AGBL4: variants seen among roughly 807,000 people sequenced by gnomAD.
The protein encoded by AGBL4 is cytosolic carboxypeptidase 6.
A neutral mutation model predicts 66.4 loss-of-function variants in AGBL4; 58 were observed. That is an observed-to-expected ratio of 0.87 (90% CI 0.71 to 1.09). The LOEUF is 1.09. Among genes scored for constraint, AGBL4 ranks in the 50% least tolerant of loss-of-function variants. The pLI, the probability that AGBL4 is intolerant of heterozygous loss-of-function variation, is 0.00. For synonymous variants in AGBL4, 234 were observed against 222.9 expected (o/e 1.05, Z -0.44); for missense variants, 579 against 631.0 (o/e 0.92, Z 0.88).
intron 4 of AGBL4, among the ~76,000 whole-genome samples, chr1:49,148,216 ACT>A (rs1048775650): frequency 2.0e-5 from 3 of 152,170 alleles, no homozygotes; most frequent in African/African-American, 7.2e-5. Flanking sequence ...ACTTTATTAC[ACT>A]GATTAGTGTC....
the AGBL4 span, among the ~76,000 whole-genome samples, chr1:48,525,060 G>A: frequency 5.9e-5 from 9 of 152,088 alleles, no homozygotes; most frequent in South Asian, 2.1e-4. Flanking sequence ...TCTCATTTTC[G>A]CCACCAGCAG....
intron 3 of AGBL4, among the ~76,000 whole-genome samples, chr1:49,305,376 A>G (rs1644830690): frequency 6.6e-6 from 1 of 152,060 alleles, no homozygotes; most frequent in African/African-American, 2.4e-5. Context: ...ATGCAAACTC[A>G]AAGCCTCACA....
intron 3 of AGBL4, among the ~76,000 whole-genome samples, chr1:49,496,705 C>T (rs1341946936): frequency 1.4e-5 from 2 of 146,004 alleles, no homozygotes; most frequent in Non-Finnish European, 3.0e-5. Context: ...GACAGGATTT[C>T]CTTTTTTAAG....
intron 4 of AGBL4, among the ~76,000 whole-genome samples, chr1:49,154,607 C>T (rs1172002353): frequency 6.6e-6 from 1 of 152,088 alleles, no homozygotes; most frequent in Non-Finnish European, 1.5e-5. Context: ...TTCAACCAGG[C>T]TTTATTCTCA....
chr1:48,969,986 T>C (rs959427251), intron 5 of AGBL4, among the ~76,000 whole-genome samples: 1 of 152,198 alleles, frequency 6.6e-6, no homozygotes, highest in African/African-American at 2.4e-5. Flanking sequence ...TGAGGATTCT[T>C]ATTATCCCAA....
intron 5 of AGBL4, among the ~76,000 whole-genome samples, chr1:49,028,035 G>A (rs1218957600): frequency 3.3e-5 from 5 of 152,110 alleles, no homozygotes; most frequent in Non-Finnish European, 7.4e-5. Flanking sequence ...CCACAACACT[G>A]CATAAGGGGA....
At chr1:49,588,075 T>C (rs969437109) in intron 3 of AGBL4, among the ~76,000 whole-genome samples, 2 of 152,090 alleles carry the variant, frequency 1.3e-5, no homozygotes, top group African/African-American at 4.8e-5. Context: ...CACCATGTAA[T>C]CCAGCCAACC....
intron 6 of AGBL4, among the ~76,000 whole-genome samples, chr1:48,801,149 C>A (rs1645797273): frequency 6.6e-6 from 1 of 152,142 alleles, no homozygotes. Flanking sequence ...CCAGCAAGGC[C>A]AATCTGACTC....
At chr1:49,783,471 T>C (rs901358666) in intron 2 of AGBL4, among the ~76,000 whole-genome samples, 3 of 152,036 alleles carry the variant, frequency 2.0e-5, no homozygotes, top group Admixed American at 2.0e-4. Flanking sequence ...TCAAACCCCC[T>C]CAACAAACTA....
intron 5 of AGBL4, among the ~76,000 whole-genome samples, chr1:49,009,822 T>C (rs575247019): frequency 6.6e-5 from 10 of 152,224 alleles, no homozygotes; most frequent in Admixed American, 2.0e-4. Flanking sequence ...TTGACAAAAT[T>C]CAACAACCAT....
At chr1:49,253,799 A>T (rs1652262670) in intron 3 of AGBL4, among the ~76,000 whole-genome samples, 1 of 152,158 alleles carries the variant, frequency 6.6e-6, no homozygotes. Context: ...CCAGGAGCAC[A>T]TCAAAAAGCT....
At chr1:49,809,928 G>T (rs116082820) in intron 2 of AGBL4, among the ~76,000 whole-genome samples, 2,659 of 152,186 alleles carry the variant, frequency 0.017, 70 homozygotes, top group African/African-American at 0.06. Flanking sequence ...CTATTTAGTG[G>T]ATTAGCTATC....
At chr1:49,642,714 C>CAGAT (rs1489913058) in intron 3 of AGBL4, among the ~76,000 whole-genome samples, 5 of 151,910 alleles carry the variant, frequency 3.3e-5, no homozygotes, top group Non-Finnish European at 5.9e-5. Flanking sequence ...ACAAACTACT[C>CAGAT]AGATAAAGTA....
At chr1:49,015,579 C>G (rs563724223) in intron 5 of AGBL4, among the ~76,000 whole-genome samples, 1 of 151,722 alleles carries the variant, frequency 6.6e-6, no homozygotes, top group Non-Finnish European at 1.5e-5. Flanking sequence ...CCCGCCACCA[C>G]GCCTGGCTAA....
chr1:49,090,295 C>A (rs1571420418), intron 4 of AGBL4, among the ~76,000 whole-genome samples: 1 of 152,108 alleles, frequency 6.6e-6, no homozygotes, highest in East Asian at 1.9e-4. Flanking sequence ...GGAAGTCAGA[C>A]TATCCCCGTT....
chr1:48,627,106 C>T (rs985970257), intron 9 of AGBL4, among the ~76,000 whole-genome samples: 2 of 152,076 alleles, frequency 1.3e-5, no homozygotes, highest in African/African-American at 2.4e-5. Flanking sequence ...CCAATGGACT[C>T]GAAAGCCTGT....
chr1:49,801,131 T>C (rs1383604627), intron 2 of AGBL4, among the ~76,000 whole-genome samples: 2 of 152,036 alleles, frequency 1.3e-5, no homozygotes, highest in Non-Finnish European at 2.9e-5. Context: ...ATCAGAGAAA[T>C]GCAAATCAAA....
intron 4 of AGBL4, among the ~76,000 whole-genome samples, chr1:49,120,740 T>C (rs780431315): frequency 1.3e-5 from 2 of 152,196 alleles, no homozygotes; most frequent in Non-Finnish European, 2.9e-5. Flanking sequence ...TCCTGAATTT[T>C]AATATTGGCC....
At chr1:49,903,044 G>A (rs920607295) in intron 1 of AGBL4, among the ~76,000 whole-genome samples, 2 of 152,070 alleles carry the variant, frequency 1.3e-5, no homozygotes, top group African/African-American at 4.8e-5. Context: ...AAAGACACAT[G>A]TATGTTCATG....
Sources: allele counts gnomAD v4.1 joint callset (sites outside exome capture counted in the v4.1 genomes callset), GRCh38; gene constraint gnomAD v4.1.1; transcripts MANE v1.5; gene names NCBI Gene and HGNC (gene_info 2026-07-23, HGNC 2026-07-21).